TRPC4: variants seen among roughly 807,000 people sequenced by gnomAD.
The protein encoded by TRPC4 is short transient receptor potential channel 4.
In TRPC4, 49 loss-of-function variants were observed where a neutral mutation model predicts 99.4. The ratio of observed to expected loss-of-function variants is 0.49; its 90% CI spans 0.39 to 0.63. The LOEUF is 0.63. TRPC4 is among the 20% of genes least tolerant of loss of function. The pLI is 0.00. For missense variants in TRPC4, 898 were observed against 1,152.9 expected, an observed-to-expected ratio of 0.78 and a Z score of 3.20; for synonymous variants, 454 against 425.9, an observed-to-expected ratio of 1.07 and a Z score of -0.81.
chr13:37,844,086 C>T (rs1193119439), intron 1 of TRPC4, among the ~76,000 whole-genome samples: 1 of 152,170 alleles, frequency 6.6e-6, no homozygotes, highest in Non-Finnish European at 1.5e-5. Context: ...TGATATCTGT[C>T]TCATCCCATG....
chr13:37,753,966 C>G (rs572236756), intron 2 of TRPC4, among the ~76,000 whole-genome samples: 2 of 152,038 alleles, frequency 1.3e-5, no homozygotes, highest in African/African-American at 2.4e-5. Flanking sequence ...AAAGCACCCC[C>G]GCTATGGAGA....
At chr13:37,667,025 G>A (rs1030591897) in intron 5 of TRPC4, among the ~76,000 whole-genome samples, 4 of 152,188 alleles carry the variant, frequency 2.6e-5, no homozygotes, top group Non-Finnish European at 4.4e-5. Context: ...GATCGAAAGT[G>A]TAACTCACCA....
Position 37,635,173 on chromosome 13 carries a change from G to T in TRPC4, c.*1730C>A, listed in dbSNP as rs1398487371. Among the ~76,000 whole-genome samples, 1 of 152,010 alleles carries T rather than the reference G, an allele frequency of 6.6e-6. No individual in the cohort carries two copies. Among genetic ancestry groups the T allele is most frequent in the Admixed American group, 6.6e-5 (1 of 15,244 alleles). ...CATACCAAACTCATTCTCTCTCAAGGTATAGGACTTCAGAAGTGGCAATTG... is the reference window on the plus strand; with the variant it reads ...CATACCAAACTCATTCTCTCTCAAGTTATAGGACTTCAGAAGTGGCAATTG... On this transcript the variant is annotated 3_prime_UTR_variant, in exon 11 of 11. Coordinates refer to ENST00000379705, the MANE Select transcript of TRPC4 (RefSeq NM_016179.4).
chr13:37,759,201 G>C (rs1956165023), intron 2 of TRPC4, among the ~76,000 whole-genome samples: 1 of 151,638 alleles, frequency 6.6e-6, no homozygotes, highest in Non-Finnish European at 1.5e-5. Context: ...TTTACTAACT[G>C]GCACTAAAAC....
intron 1 of TRPC4, among the ~76,000 whole-genome samples, chr13:37,840,269 G>A (rs1490353353): frequency 6.6e-6 from 1 of 151,538 alleles, no homozygotes; most frequent in African/African-American, 2.4e-5. Context: ...AAATGAGGAG[G>A]GTAATAAAAA....
chr13:37,833,919 T>C (rs907534284), intron 1 of TRPC4, among the ~76,000 whole-genome samples: 2 of 152,258 alleles, frequency 1.3e-5, no homozygotes, highest in Non-Finnish European at 2.9e-5. Flanking sequence ...AGTACAGTTT[T>C]ATCTTCAAAC....
intron 8 of TRPC4, among the ~76,000 whole-genome samples, chr13:37,645,916 C>T (rs1316105539): frequency 6.6e-6 from 1 of 152,152 alleles, no homozygotes; most frequent in Non-Finnish European, 1.5e-5. Context: ...CATCAAAAGG[C>T]CCTGCCAACA....
chr13:37,725,195 G>T (rs1189116399), intron 3 of TRPC4, among the ~76,000 whole-genome samples: 2 of 152,038 alleles, frequency 1.3e-5, no homozygotes, highest in Non-Finnish European at 2.9e-5. Flanking sequence ...CTAGTTTGAG[G>T]AACAGAGGGA....
At chr13:37,741,664 CA>C (rs112470379) in intron 3 of TRPC4, among the ~76,000 whole-genome samples, 2,777 of 152,188 alleles carry the variant, frequency 0.018, 89 homozygotes, top group African/African-American at 0.063. Flanking sequence ...AACGTGAAAG[CA>C]AAGAAAACTT....
At chr13:37,742,603 C>T (rs573834572) in intron 3 of TRPC4, among the ~76,000 whole-genome samples, 1 of 152,230 alleles carries the variant, frequency 6.6e-6, no homozygotes, top group African/African-American at 2.4e-5. Context: ...TGCGGTGAGA[C>T]AAGACGTGAG....
chr13:37,672,819 C>T lies in TRPC4; in HGVS notation c.1374+1409G>A, dbSNP rs974321954. Among the ~76,000 whole-genome samples the T allele has an allele frequency of 4.6e-5, 7 of 152,218 alleles. No individual in the cohort carries two copies. The South Asian group carries it at 1.2e-3, about 27-fold the overall frequency. ...TAACCTCAATGCATTAATAAAATTACCAAATTATGTTTTCATTTTGAAATA... is the reference window on the plus strand; with the variant it reads ...TAACCTCAATGCATTAATAAAATTATCAAATTATGTTTTCATTTTGAAATA... On this transcript the variant is annotated intron_variant, in intron 5 of 10. Transcript: ENST00000379705.
intron 3 of TRPC4, among the ~76,000 whole-genome samples, chr13:37,732,073 G>A (rs1955255087): frequency 6.6e-6 from 1 of 152,060 alleles, no homozygotes; most frequent in Non-Finnish European, 1.5e-5. Context: ...CATGTATTGA[G>A]CTCATACCTA....
At chr13:37,747,289 C>T (rs1955815367) in intron 2 of TRPC4, among the ~76,000 whole-genome samples, 1 of 152,088 alleles carries the variant, frequency 6.6e-6, no homozygotes, top group African/African-American at 2.4e-5. Flanking sequence ...GATGTAGTTC[C>T]TCAGTGAGTA....
At chr13:37,769,719 T>A (rs1260641761) in intron 2 of TRPC4, among the ~76,000 whole-genome samples, 1 of 151,508 alleles carries the variant, frequency 6.6e-6, no homozygotes, top group African/African-American at 2.4e-5. Flanking sequence ...AGAGATTTCA[T>A]CACCAGAATG....
intron 1 of TRPC4, among the ~76,000 whole-genome samples, chr13:37,864,151 T>C (rs1959584806): frequency 6.6e-6 from 1 of 151,700 alleles, no homozygotes; most frequent in African/African-American, 2.4e-5. Flanking sequence ...GTCTTTGAAA[T>C]GCACTCTCAA....
At chr13:37,665,052 TA>T (rs200655540) in intron 5 of TRPC4, among the ~76,000 whole-genome samples, 102 of 148,866 alleles carry the variant, frequency 6.9e-4, no homozygotes, top group Middle Eastern at 3.4e-3. Context: ...ACTGAAGATA[TA>T]AAAAAAAAAG....
At position 37,637,507 on chromosome 13, in the gene TRPC4, G is replaced by A. The variant is rs1951571551; in HGVS notation, c.2330C>T (p.Ser777Leu). Reference protein sequence around the residue: ...ASKESSNSADSDEKSDSEGNS... With the variant: ...ASKESSNSADLDEKSDSEGNS... ...ACCTTCGCTATCACTCTTTTCATCTGAGTCTGCCGAATTTGAAGACTCCTT... is the reference window on the plus strand; with the variant it reads ...ACCTTCGCTATCACTCTTTTCATCTAAGTCTGCCGAATTTGAAGACTCCTT... The change falls in exon 11 of 11, where the codon TCA becomes TTA. Residue 777 changes from serine to leucine, a missense_variant. Physicochemically the swap from Ser to Leu is moderately radical, Grantham distance 145 (BLOSUM62 -2). Around this residue, in one of 3 missense-constraint regions of TRPC4, gnomAD observed 346 missense variants for 351.4 expected, o/e 0.98. Coordinates refer to ENST00000379705, the MANE Select transcript of TRPC4 (RefSeq NM_016179.4). 1 of 1,613,632 alleles carries A rather than the reference G, an allele frequency of 6.2e-7. No individual in the cohort carries two copies. Among genetic ancestry groups the A allele is most frequent in the African/African-American group, 1.3e-5 (1 of 74,884 alleles).
At chr13:37,753,732 A>G (rs1016603845) in intron 2 of TRPC4, among the ~76,000 whole-genome samples, 1 of 152,124 alleles carries the variant, frequency 6.6e-6, no homozygotes, top group African/African-American at 2.4e-5. Flanking sequence ...TGTTTCCCTA[A>G]TGTTCACTTG....
chr13:37,647,350 A>G (rs1283136003), intron 8 of TRPC4, among the ~76,000 whole-genome samples: 1 of 152,218 alleles, frequency 6.6e-6, no homozygotes, highest in African/African-American at 2.4e-5. Flanking sequence ...CAGCATAAAG[A>G]TAAGCAAGTT....
Sources: gnomAD v4.1 joint callset for allele counts (sites outside exome capture counted in the v4.1 genomes callset) on GRCh38, gnomAD v4.1.1 for gene constraint, gnomAD v4.1.1 regional missense constraint, MANE v1.5 for transcripts, NCBI Gene and HGNC (gene_info 2026-07-23, HGNC 2026-07-21) for gene names.